The following CRLF2 variants were observed in gnomAD, a reference collection of about 807,000 sequenced individuals.
The protein encoded by CRLF2 is cytokine receptor-like factor 2.
CRLF2 carries 41 observed loss-of-function variants against 38.7 expected under a neutral mutation model. That is an observed-to-expected ratio of 1.06 (90% CI 0.83 to 1.37). The LOEUF is 1.37. CRLF2 is among the 40% of genes most tolerant of loss of function. The probability of loss-of-function intolerance (pLI) is 0.00; values close to 1 mark genes in which losing one functional copy is unlikely to be tolerated. For missense variants in CRLF2, 377 were observed against 322.2 expected (o/e 1.17, Z -1.30); for synonymous variants, 140 against 128.8 (o/e 1.09, Z -0.59).
At chrX:1,199,860 GTA>G (rs1247350423) in intron 4 of CRLF2, among the ~76,000 whole-genome samples, 1 of 151,334 alleles carries the variant, frequency 6.6e-6, no homozygotes, top group African/African-American at 2.4e-5. Flanking sequence ...TATAAGATGT[GTA>G]TATATGTGTA....
Position 1,196,841 on chromosome X carries a change from A to C in CRLF2, c.706T>G (p.Ser236Ala), listed in dbSNP as rs774677578. The C allele has an allele frequency of 1.2e-6, 2 of 1,613,676 alleles. No homozygotes were observed. Among genetic ancestry groups the C allele is most frequent in the South Asian group, 2.2e-5 (2 of 91,078 alleles). The change falls in exon 6 of 8, where the codon TCC (serine) becomes GCC (alanine). Residue 236 changes from serine (S) to alanine (A), a missense_variant. Coordinates refer to ENST00000400841, the MANE Select transcript of CRLF2 (RefSeq NM_022148.4). The stretch of plus-strand genomic sequence containing the variant: ...ACCATCAGAAGGATGGCCAGGCTGG[A>C]AATTAAAATAAATTTGGACAGCTTT... The part of the protein sequence containing the change: ...KPKLSKFILI[S>A]SLAILLMVSL...
chrX:1,208,829 C>T lies in CRLF2; in HGVS notation c.159G>A (p.Arg53=). 1 of 1,611,234 alleles carries T rather than the reference C, an allele frequency of 6.2e-7. No individual in the cohort carries two copies. Among genetic ancestry groups the T allele is most frequent in the Middle Eastern group, 1.7e-4 (1 of 6,056 alleles). ...QVTWNASKYS[R]TNLTFHYRFN... ...ACCTGTAGTGGAAAGTCAGGTTGGT[C>T]CTGGAGTATTTGCTGGCATTCCATG... The change falls in exon 2 of 8, where the codon AGG becomes AGA. Residue 53 remains arginine (R), a synonymous_variant. Transcript: ENST00000400841.
chrX:1,201,902 G>C (rs2086615244), intron 4 of CRLF2, among the ~76,000 whole-genome samples: 1 of 151,870 alleles, frequency 6.6e-6, no homozygotes, highest in Non-Finnish European at 1.5e-5. Flanking sequence ...AGAGTTGGTA[G>C]ATAAAATAGA....
At chrX:1,196,996 CT>C in intron 5 of CRLF2, 96 bp from the exon 6 acceptor site, 1 of 1,025,668 alleles carries the variant, frequency 9.7e-7, no homozygotes, top group African/African-American at 1.6e-5. Flanking sequence ...ACCAGTCTCC[CT>C]CATTTTTTGG....
chrX:1,207,011 T>G (rs1603399153), intron 2 of CRLF2, among the ~76,000 whole-genome samples: 1 of 147,806 alleles, frequency 6.8e-6, no homozygotes, highest in African/African-American at 2.5e-5. Flanking sequence ...AGTGGCACGA[T>G]CTCGGCTCAT....
chrX:1,204,463 C>T (rs1430195669), intron 3 of CRLF2, among the ~76,000 whole-genome samples: 2 of 151,816 alleles, frequency 1.3e-5, no homozygotes, highest in Non-Finnish European at 2.9e-5. Flanking sequence ...CCCCACGTCA[C>T]GTGATCCCCC....
intron 4 of CRLF2, among the ~76,000 whole-genome samples, chrX:1,199,984 C>T (rs1202016529): frequency 1.5e-4 from 22 of 147,154 alleles, no homozygotes; most frequent in South Asian, 4.3e-4. Flanking sequence ...TGTGTATATA[C>T]GTGTGTATAT....
intron 7 of CRLF2, 92 bp from the exon 8 acceptor site, chrX:1,191,252 C>A: frequency 2.5e-6 from 1 of 398,618 alleles, no homozygotes; most frequent in Non-Finnish European, 4.4e-6. Flanking sequence ...CACAGACATC[C>A]CTGGACATCT....
At position 1,198,436 on chromosome X, in the gene CRLF2, G is replaced by A. The variant is rs760837120; in HGVS notation, c.646+126C>T. 3,756 of 707,654 alleles carry A rather than the reference G, an allele frequency of 5.3e-3. 5 individuals are homozygous for A. Among genetic ancestry groups the A allele is most frequent in the African/African-American group, 8.5e-3 (456 of 53,802 alleles). The allele number at this position is 707,654 out of a possible 1,614,324, so 43.8% of individuals were successfully genotyped here. Reference sequence around the variant, plus strand: ...ACCCTCCCTCCCACCTCCCAGGAAGGCAGGACACCCTCCCTCCCACCTCGA... The same window carrying A: ...ACCCTCCCTCCCACCTCCCAGGAAGACAGGACACCCTCCCTCCCACCTCGA... On this transcript the variant is annotated intron_variant, in intron 5 of 7. Transcript: ENST00000400841.
chrX:1,195,395 C>T (rs1268055011), intron 6 of CRLF2, among the ~76,000 whole-genome samples: 22 of 151,982 alleles, frequency 1.4e-4, no homozygotes, highest in African/African-American at 5.3e-4. Context: ...AGTTGCACAG[C>T]TTACCTGGAC....
At chrX:1,192,708 TTTTC>T (rs1165440754) in intron 7 of CRLF2, among the ~76,000 whole-genome samples, 15,822 of 109,650 alleles carry the variant, frequency 0.14, 1,220 homozygotes, top group East Asian at 0.2. Context: ...TTTTCTTTTC[TTTTC>T]TTTCTTTCTT....
rs765863812 is a variant in CRLF2, at chrX:1,205,576, G to A, written c.349+857C>T. On this transcript the variant is annotated intron_variant, in intron 3 of 7. Transcript: ENST00000400841. ...AGCTGAAGGAAATACTGAAAAGCAT[G>A]TTGAGCTTGCTTTTCAATAGTTACG... Among the ~76,000 whole-genome samples, 67 of 152,212 alleles carry A rather than the reference G, an allele frequency of 4.4e-4. 1 individual carries two copies. The highest frequency in any genetic ancestry group is 1.3e-3 in the African/African-American group (54 of 41,538).
chrX:1,206,097 G>C (rs1377447184), intron 3 of CRLF2, among the ~76,000 whole-genome samples: 3 of 152,024 alleles, frequency 2.0e-5, no homozygotes, highest in African/African-American at 7.2e-5. Context: ...AGCGTGCTGA[G>C]CTTGCTTTTC....
chrX:1,195,850 A>T (rs1204449651), intron 6 of CRLF2, among the ~76,000 whole-genome samples: 5 of 139,720 alleles, frequency 3.6e-5, no homozygotes, highest in Non-Finnish European at 6.1e-5. Context: ...ATATTTATAT[A>T]TTTTTATATA....
At chrX:1,209,626 C>T (rs1388922314) in intron 1 of CRLF2, among the ~76,000 whole-genome samples, 6 of 152,194 alleles carry the variant, frequency 3.9e-5, no homozygotes, top group South Asian at 2.1e-4. Context: ...CCACCGCGCC[C>T]GGCTGCTTTT....
At position 1,198,732 on chromosome X, in the gene CRLF2, A is replaced by AACATACACATAC. The variant is rs72369193; in HGVS notation, c.484-9_484-8insGTATGTGTATGT. 4 of 874,018 alleles carry AACATACACATAC rather than the reference A, an allele frequency of 4.6e-6. No homozygotes were observed. Among genetic ancestry groups the AACATACACATAC allele is most frequent in the African/African-American group, 4.7e-5 (2 of 42,254 alleles). 54.1% of individuals were successfully genotyped at this position (874,018 alleles called of 1,614,324 possible). A position where few individuals can be genotyped will look rare whatever the true frequency, so the allele number is the denominator to read the frequency against. On this transcript the variant is annotated splice_polypyrimidine_tract_variant and intron_variant, in intron 4 of 7. Transcript: ENST00000400841. ...GGTATTTTCCTGTTTGGACTGGAGA[A>AACATACACATAC]ACATACACACACACACACACACACA...
At chrX:1,207,216 G>T (rs1374763573) in intron 2 of CRLF2, among the ~76,000 whole-genome samples, 1 of 152,002 alleles carries the variant, frequency 6.6e-6, no homozygotes, top group East Asian at 1.9e-4. Context: ...AGAGTGCTGG[G>T]ATTACAGGCG....
At chrX:1,198,775 A>ACACACACG in intron 4 of CRLF2, 51 bp from the exon 5 acceptor site, 1 of 1,391,898 alleles carries the variant, frequency 7.2e-7, no homozygotes, top group Non-Finnish European at 1.0e-6. Context: ...ACACACACAC[A>ACACACACG]CACACACAAT....
chrX:1,202,318 G>C (rs2086621666), intron 4 of CRLF2, 84 bp downstream of exon 4: 1 of 1,504,696 alleles, frequency 6.6e-7, no homozygotes, highest in African/African-American at 1.4e-5. Flanking sequence ...AGGGGAGCGA[G>C]GTCTGATGAA....
Sources: allele counts gnomAD v4.1 joint callset (sites outside exome capture counted in the v4.1 genomes callset), GRCh38; gene constraint gnomAD v4.1.1; transcripts MANE v1.5; gene names NCBI Gene and HGNC (gene_info 2026-07-23, HGNC 2026-07-21).